Variants in TWIST2 observed in about 807,000 individuals in gnomAD.
TWIST2 encodes the protein twist-related protein 2.
In TWIST2, 1 loss-of-function variant was observed where a neutral mutation model predicts 11.6. The ratio of observed to expected loss-of-function variants is 0.09; its 90% CI spans 0.03 to 0.41. The LOEUF (loss-of-function observed/expected upper bound fraction) is 0.41, where lower values mean the gene tolerates loss of function less well. Ranked by LOEUF, TWIST2 falls within the 10% of genes least tolerant of loss-of-function variation. The pLI is 0.98. For synonymous variants in TWIST2, 87 were observed against 96.6 expected, an observed-to-expected ratio of 0.90 and a Z score of 0.58; for missense variants, 168 against 226.4, an observed-to-expected ratio of 0.74 and a Z score of 1.66.
chr2:238,880,641 CTTAGTG>C (rs1316385477), intron 1 of TWIST2, among the ~76,000 whole-genome samples: 2 of 88,128 alleles, frequency 2.3e-5, no homozygotes, highest in African/African-American at 4.5e-5. Flanking sequence ...TACTGTTAGT[CTTAGTG>C]TTAGTGTCAG....
chr2:238,848,357 G>A lies in TWIST2; in HGVS notation c.142G>A (p.Gly48Ser). 6.5e-7 allele frequency: 1 copy of A among 1,534,678 alleles called. No individual in the cohort carries two copies. The highest frequency in any genetic ancestry group is 1.4e-5 in the African/African-American group (1 of 73,136). The stretch of plus-strand genomic sequence containing the variant: ...GAGCGAAGATGGCAGCCCGACCCCG[G>A]GCAAGCGCGGCAAGAAGGGCAGCCC... ...KSSEDGSPTP[G>S]KRGKKGSPSA... The change falls in exon 1 of 2, where the codon GGC becomes AGC. Residue 48 changes from glycine to serine, a missense_variant. By Grantham distance (56) the Gly-to-Ser change is moderately conservative. This residue lies in a region of TWIST2 where 83 missense variants were observed against 92.7 expected (regional missense o/e 0.90). Coordinates refer to ENST00000612363, the MANE Select transcript of TWIST2 (RefSeq NM_001271893.4).
At chr2:238,884,347 G>A (rs1692993340) in intron 1 of TWIST2, among the ~76,000 whole-genome samples, 1 of 152,250 alleles carries the variant, frequency 6.6e-6, no homozygotes, top group African/African-American at 2.4e-5. Context: ...ACCAGGCCAA[G>A]GTCCCCAGAC....
intron 1 of TWIST2, among the ~76,000 whole-genome samples, chr2:238,901,267 G>A (rs918228350): frequency 2.6e-5 from 4 of 152,266 alleles, no homozygotes; most frequent in Non-Finnish European, 4.4e-5. Context: ...GTGAGCCACC[G>A]TGCCGGCCTC....
intron 1 of TWIST2, among the ~76,000 whole-genome samples, chr2:238,858,216 C>T (rs527564665): frequency 1.9e-4 from 29 of 152,318 alleles, no homozygotes; most frequent in Middle Eastern, 6.8e-3. Context: ...GCGCATCCAC[C>T]GGGCTTTCTC....
intron 1 of TWIST2, among the ~76,000 whole-genome samples, chr2:238,900,952 C>A (rs1405211346): frequency 6.6e-6 from 1 of 150,816 alleles, no homozygotes; most frequent in Non-Finnish European, 1.5e-5. Flanking sequence ...TTTTTCTGAT[C>A]GTTTCTGCCC....
intron 1 of TWIST2, among the ~76,000 whole-genome samples, chr2:238,876,090 T>G (rs931057546): frequency 2.0e-5 from 3 of 152,132 alleles, no homozygotes; most frequent in African/African-American, 7.2e-5. Context: ...GCTGTGCTTG[T>G]CAGAAATCCT....
In TWIST2 at chr2:238,859,212, C is replaced by A. The variant is rs1291533860; in HGVS notation, c.*35+10479C>A. On this transcript the variant is annotated intron_variant, in intron 1 of 1. Coordinates refer to ENST00000612363, the MANE Select transcript of TWIST2 (RefSeq NM_001271893.4). ...AGGCAACAAGAGCGACACTCCGTCT[C>A]AAAAAAAAAAAAAAAAAGTGTAATA... 1.0e-3 allele frequency among the ~76,000 whole-genome samples: 139 copies of A among 139,564 alleles called. 1 individual carries two copies. In the East Asian group the frequency reaches 0.02, roughly 20 times the overall value. The allele number at this position is 139,564 out of a possible 152,430, so 91.6% of individuals were successfully genotyped here.
intron 1 of TWIST2, among the ~76,000 whole-genome samples, chr2:238,873,251 C>T (rs917922508): frequency 4.6e-5 from 7 of 151,900 alleles, no homozygotes; most frequent in African/African-American, 9.7e-5. Flanking sequence ...CGGGATGTGG[C>T]GGGGAAGAAG....
At position 238,867,221 on chromosome 2, in the gene TWIST2, A is replaced by G. The variant is rs1415816365; in HGVS notation, c.*35+18488A>G. On this transcript the variant is annotated intron_variant, in intron 1 of 1. Transcript: ENST00000612363. The surrounding 1 kb of genome is among the most constrained non-coding windows in gnomAD (Gnocchi z 4.8). ...AACCCCCGAATTTCTTCTGCAGAAGAGAAGGGGTAGAGGTGGAGAAAGAGG... is the reference window on the plus strand; with the variant it reads ...AACCCCCGAATTTCTTCTGCAGAAGGGAAGGGGTAGAGGTGGAGAAAGAGG... Among the ~76,000 whole-genome samples, 1 of 151,928 alleles carries G rather than the reference A, an allele frequency of 6.6e-6. No homozygotes were observed. Among genetic ancestry groups the G allele is most frequent in the Non-Finnish European group, 1.5e-5 (1 of 67,982 alleles).
In TWIST2 at chr2:238,848,526, TC is replaced by T; in HGVS notation, c.313del (p.Gln105ArgfsTer10). ...CTGCCCTCTGACAAGCTGAGCAAGA[TC>T]CAGACGCTCAAGCTGGCCGCCAGGT... ...PTLPSDKLSK[I>X]QTLKLAARYI... On this transcript the variant is annotated frameshift_variant, in exon 1 of 2. Coordinates refer to ENST00000612363, the MANE Select transcript of TWIST2 (RefSeq NM_001271893.4). LOFTEE classifies it high-confidence loss of function. 6.3e-7 allele frequency: 1 copy of T among 1,593,112 alleles called. No homozygotes were observed. The highest frequency in any genetic ancestry group is 8.5e-7 in the Non-Finnish European group (1 of 1,171,224).
intron 1 of TWIST2, among the ~76,000 whole-genome samples, chr2:238,881,123 T>TTTA: frequency 1.0e-5 from 1 of 99,598 alleles, no homozygotes; most frequent in African/African-American, 4.0e-5. Flanking sequence ...AGTGTTAGTA[T>TTTA]TTATTAGTAT....
At chr2:238,888,261 G>A (rs1000326326) in intron 1 of TWIST2, among the ~76,000 whole-genome samples, 2 of 152,206 alleles carry the variant, frequency 1.3e-5, no homozygotes, top group African/African-American at 4.8e-5. Flanking sequence ...CTTCTGCCCT[G>A]TTTTCAGAGT....
intron 1 of TWIST2, among the ~76,000 whole-genome samples, chr2:238,871,391 G>C (rs1400772044): frequency 9.7e-5 from 3 of 31,086 alleles, no homozygotes; most frequent in Admixed American, 8.7e-4. Flanking sequence ...CACACCCCAT[G>C]CACACACCAC....
At chr2:238,895,706 C>A (rs1024717429) in intron 1 of TWIST2, among the ~76,000 whole-genome samples, 1 of 152,146 alleles carries the variant, frequency 6.6e-6, no homozygotes, top group Non-Finnish European at 1.5e-5. Context: ...TAGATCCTGA[C>A]GGACCGGTCA....
chr2:238,896,989 C>T (rs1047832234), intron 1 of TWIST2, among the ~76,000 whole-genome samples: 21 of 152,142 alleles, frequency 1.4e-4, no homozygotes, highest in African/African-American at 4.3e-4. Flanking sequence ...GTGAGGGCAA[C>T]CTGGCAGAGC....
Position 238,855,019 on chromosome 2 carries a change from G to A in TWIST2, c.*35+6286G>A, listed in dbSNP as rs145246471. On this transcript the variant is annotated intron_variant, in intron 1 of 1. Coordinates refer to ENST00000612363, the MANE Select transcript of TWIST2 (RefSeq NM_001271893.4). ...TCGGAGTGGCAAGCTGGCTGCCTGC[G>A]TGGACTCCCTGGACCTGCGACTTGT... Among the ~76,000 whole-genome samples the A allele has an allele frequency of 0.011, 1,748 of 152,316 alleles. 81 individuals are homozygous for A. The East Asian group carries it at 0.12, about 11-fold the overall frequency.
chr2:238,898,582 G>C (rs890708261), intron 1 of TWIST2, among the ~76,000 whole-genome samples: 1 of 152,358 alleles, frequency 6.6e-6, no homozygotes, highest in Admixed American at 6.5e-5. Flanking sequence ...CAGGGTGGGC[G>C]CAATGTGGGC....
At chr2:238,894,596 C>T (rs1693185908) in intron 1 of TWIST2, among the ~76,000 whole-genome samples, 1 of 152,202 alleles carries the variant, frequency 6.6e-6, no homozygotes, top group African/African-American at 2.4e-5. Context: ...CCCCCCAAAC[C>T]TTTCCTGGCC....
chr2:238,887,068 G>C (rs1693051005), intron 1 of TWIST2: 1 of 152,066 alleles, frequency 6.6e-6, no homozygotes, highest in African/African-American at 2.4e-5. Context: ...CTCTGGTGCT[G>C]ACTCTATCAT....
Sources: allele counts gnomAD v4.1 joint callset (sites outside exome capture counted in the v4.1 genomes callset), GRCh38; gene constraint gnomAD v4.1.1; regional missense constraint gnomAD v4.1.1; non-coding constraint Gnocchi (gnomAD v3.1); transcripts MANE v1.5; gene names NCBI Gene and HGNC (gene_info 2026-07-23, HGNC 2026-07-21).